Variants in DLGAP1 observed in about 807,000 individuals in gnomAD.
The protein encoded by DLGAP1 is DLG associated protein 1.
A neutral mutation model predicts 90.8 loss-of-function variants in DLGAP1; 11 were observed. The observed-to-expected ratio is 0.12, with a 90% confidence interval of 0.08 to 0.20. The LOEUF (loss-of-function observed/expected upper bound fraction) is 0.20, where lower values mean the gene tolerates loss of function less well. Among genes scored for constraint, DLGAP1 ranks in the 10% least tolerant of loss-of-function variants. DLGAP1 has a pLI of 1.00. For missense variants in DLGAP1, 1,050 were observed against 1,333.8 expected (o/e 0.79, Z 3.31); for synonymous variants, 558 against 540.7 (o/e 1.03, Z -0.44).
At chr18:3,597,556 G>A (rs2056652264) in intron 7 of DLGAP1, 3 of 283,128 alleles carry the variant, frequency 1.1e-5, no homozygotes, top group African/African-American at 2.3e-5. Context: ...CAAGACTTCA[G>A]CGTGGATTCA....
chr18:4,283,741 A>G (rs2079611064), intron 1 of DLGAP1, among the ~76,000 whole-genome samples: 1 of 152,248 alleles, frequency 6.6e-6, no homozygotes, highest in African/African-American at 2.4e-5. Context: ...GATTTTGCCA[A>G]GAAGTTATCC....
chr18:3,826,572 G>A (rs927261656), intron 4 of DLGAP1, among the ~76,000 whole-genome samples: 2 of 152,314 alleles, frequency 1.3e-5, no homozygotes, highest in African/African-American at 4.8e-5. Flanking sequence ...AGAAAGGGCA[G>A]GACTGCCATG....
At chr18:3,737,286 T>C (rs2062686546) in intron 6 of DLGAP1, among the ~76,000 whole-genome samples, 1 of 152,186 alleles carries the variant, frequency 6.6e-6, no homozygotes, top group African/African-American at 2.4e-5. Context: ...CCAGCATCAT[T>C]CTGATACCAA....
At chr18:3,523,740 TG>T (rs1489746722) in intron 10 of DLGAP1, among the ~76,000 whole-genome samples, 1 of 149,672 alleles carries the variant, frequency 6.7e-6, no homozygotes, top group Non-Finnish European at 1.5e-5. Context: ...CCAGCTACAC[TG>T]GGAGGCTGAG....
At chr18:4,170,077 C>T (rs943966670) in intron 1 of DLGAP1, among the ~76,000 whole-genome samples, 15 of 152,014 alleles carry the variant, frequency 9.9e-5, no homozygotes, top group African/African-American at 3.1e-4. Context: ...GTTGTTTCCA[C>T]GATGATGGAA....
At chr18:3,596,964 T>TG (rs1568268555) in intron 7 of DLGAP1, 2 of 520,114 alleles carry the variant, frequency 3.8e-6, no homozygotes. Context: ...GTCCACCCGA[T>TG]GTCCCCCATT....
rs3041181 is a variant in DLGAP1 at position 4,306,033 on chromosome 18, TACAC to T, written c.-267+148969_-267+148972del. On this transcript the variant is annotated intron_variant, in intron 1 of 12. Transcript: ENST00000315677. ...ACACACACACACAGACACACACAAATACACACACACACACACACACACACACACA... is the reference window on the plus strand; with the variant it reads ...ACACACACACACAGACACACACAAATACACACACACACACACACACACACA... Among the ~76,000 whole-genome samples the T allele has an allele frequency of 3.0e-3, 430 of 142,200 alleles. 1 individual carries two copies. Among genetic ancestry groups the T allele is most frequent in the African/African-American group, 9.6e-3 (353 of 36,898 alleles). 93.3% of individuals were successfully genotyped at this position (142,200 alleles called of 152,430 possible). A position where few individuals can be genotyped will look rare whatever the true frequency, so the allele number is the denominator to read the frequency against.
chr18:3,899,017 C>T (rs942932063), intron 3 of DLGAP1, among the ~76,000 whole-genome samples: 6 of 152,250 alleles, frequency 3.9e-5, no homozygotes, highest in African/African-American at 9.6e-5. Flanking sequence ...TTTCAATTTC[C>T]GTATGGCCAC....
At chr18:3,984,259 C>T (rs978878704) in intron 3 of DLGAP1, 8 of 152,162 alleles carry the variant, frequency 5.3e-5, no homozygotes, top group African/African-American at 1.9e-4. Context: ...CTCATGGTGA[C>T]CTAAGAAAAC....
chr18:3,694,296 A>G (rs535841496), intron 7 of DLGAP1, among the ~76,000 whole-genome samples: 2 of 152,278 alleles, frequency 1.3e-5, no homozygotes, highest in East Asian at 1.9e-4. Context: ...ATTGATGGGC[A>G]TTTGGGTTGG....
chr18:4,012,264 C>T (rs192433095), intron 2 of DLGAP1, among the ~76,000 whole-genome samples: 11 of 152,266 alleles, frequency 7.2e-5, no homozygotes, highest in East Asian at 3.9e-4. Context: ...CGCCTGTCTA[C>T]GCATAGCACA....
intron 1 of DLGAP1, among the ~76,000 whole-genome samples, chr18:4,390,659 G>A (rs112580113): frequency 4.6e-5 from 7 of 152,108 alleles, no homozygotes; most frequent in East Asian, 1.9e-4. Flanking sequence ...CACTTAGTAC[G>A]GATTTAGTTT....
At chr18:3,764,497 G>C (rs1220865679) in intron 5 of DLGAP1, among the ~76,000 whole-genome samples, 1 of 152,116 alleles carries the variant, frequency 6.6e-6, no homozygotes, top group Non-Finnish European at 1.5e-5. Flanking sequence ...GCTATCCTAA[G>C]TACAGTCACA....
chr18:4,273,039 C>A (rs2079320874), intron 1 of DLGAP1, among the ~76,000 whole-genome samples: 1 of 152,078 alleles, frequency 6.6e-6, no homozygotes, highest in African/African-American at 2.4e-5. Flanking sequence ...AGAGGAAGGT[C>A]CTGCCAGCAC....
intron 2 of DLGAP1, among the ~76,000 whole-genome samples, chr18:4,094,461 T>C (rs2143792223): frequency 6.6e-6 from 1 of 152,252 alleles, no homozygotes; most frequent in East Asian, 1.9e-4. Context: ...TGTGTTCTAA[T>C]GAACTTTTCT....
chr18:4,286,164 A>C (rs1030659788), intron 1 of DLGAP1, among the ~76,000 whole-genome samples: 3 of 152,188 alleles, frequency 2.0e-5, no homozygotes, highest in African/African-American at 7.2e-5. Context: ...AGAAGCCAAA[A>C]AGGAAGGATG....
intron 3 of DLGAP1, among the ~76,000 whole-genome samples, chr18:3,892,953 G>T (rs1335254856): frequency 6.7e-6 from 1 of 149,854 alleles, no homozygotes; most frequent in African/African-American, 2.4e-5. Flanking sequence ...GGATACAAGT[G>T]CAGTTTTGTT....
rs185576214 is a variant in DLGAP1 at position 3,764,053 on chromosome 18, A to C, written c.1173-21541T>G. The stretch of plus-strand genomic sequence containing the variant: ...ATGTGATGAGAAAAGCAAAAATAAC[A>C]AAACCACAATTTACTGAGTGCGTTA... On this transcript the variant is annotated intron_variant, in intron 5 of 12. Transcript: ENST00000315677. Among the ~76,000 whole-genome samples, 6 of 152,328 alleles carry C rather than the reference A, an allele frequency of 3.9e-5. No homozygotes were observed. The East Asian group carries it at 1.2e-3, about 29-fold the overall frequency.
intron 1 of DLGAP1, among the ~76,000 whole-genome samples, chr18:4,384,871 G>T (rs1313274072): frequency 2.0e-5 from 3 of 152,040 alleles, no homozygotes; most frequent in African/African-American, 7.2e-5. Flanking sequence ...TTAGAAATTA[G>T]AATATCTTTG....
Sources: gnomAD v4.1 joint callset for allele counts (sites outside exome capture counted in the v4.1 genomes callset) on GRCh38, gnomAD v4.1.1 for gene constraint, MANE v1.5 for transcripts, NCBI Gene and HGNC (gene_info 2026-07-23, HGNC 2026-07-21) for gene names.